The following FRYL variants were observed in gnomAD, a reference collection of about 807,000 sequenced individuals.
FRYL encodes FRY like transcription coactivator, also known as protein furry homolog-like.
FRYL carries 150 observed loss-of-function variants against 351.2 expected under a neutral mutation model. The observed-to-expected ratio is 0.43, with a 90% confidence interval of 0.37 to 0.49. The LOEUF (loss-of-function observed/expected upper bound fraction) is 0.49, where lower values mean the gene tolerates loss of function less well. Among genes scored for constraint, FRYL ranks in the 20% least tolerant of loss-of-function variants. The pLI is 0.00. For synonymous variants in FRYL, 1,153 were observed against 1,257.1 expected, an observed-to-expected ratio of 0.92 and a Z score of 1.75; for missense variants, 3,036 against 3,619.3, an observed-to-expected ratio of 0.84 and a Z score of 4.13.
intron 31 of FRYL, among the ~76,000 whole-genome samples, chr4:48,563,707 A>T (rs900160215): frequency 1.5e-5 from 2 of 136,394 alleles, no homozygotes; most frequent in South Asian, 2.3e-4. Context: ...GACCATGTCT[A>T]AAAAAAAAAA....
intron 1 of FRYL, among the ~76,000 whole-genome samples, chr4:48,714,283 G>T (rs993149442): frequency 6.7e-6 from 1 of 148,944 alleles, no homozygotes; most frequent in Middle Eastern, 3.2e-3. Context: ...GAGCAGAACT[G>T]AAGGAAATAG....
chr4:48,699,550 T>G (rs1766522021), intron 2 of FRYL, among the ~76,000 whole-genome samples: 1 of 152,180 alleles, frequency 6.6e-6, no homozygotes, highest in Non-Finnish European at 1.5e-5. Flanking sequence ...ATCTTTAATC[T>G]AAAATACATG....
chr4:48,658,829 T>C (rs1285291050), intron 3 of FRYL, among the ~76,000 whole-genome samples: 1 of 145,690 alleles, frequency 6.9e-6, no homozygotes, highest in African/African-American at 2.6e-5. Flanking sequence ...GTTATGTAAT[T>C]ACCACCACAC....
chr4:48,626,059 C>A (rs1488777672), intron 4 of FRYL, among the ~76,000 whole-genome samples: 2 of 152,040 alleles, frequency 1.3e-5, no homozygotes, highest in Non-Finnish European at 2.9e-5. Context: ...GTTTCTAGTA[C>A]TTGGTGGTAT....
intron 3 of FRYL, among the ~76,000 whole-genome samples, chr4:48,655,780 G>C (rs1460234740): frequency 7.0e-6 from 1 of 142,754 alleles, no homozygotes; most frequent in Non-Finnish European, 1.5e-5. Flanking sequence ...AATACATTCT[G>C]TATTATATAA....
chr4:48,503,083 T>A (rs1720070041), intron 60 of FRYL, among the ~76,000 whole-genome samples: 1 of 152,208 alleles, frequency 6.6e-6, no homozygotes, highest in East Asian at 1.9e-4. Flanking sequence ...ATTTAGGCTA[T>A]GACTTATTTC....
intron 2 of FRYL, among the ~76,000 whole-genome samples, chr4:48,704,192 G>A (rs12507546): frequency 0.99 from 150,499 of 152,276 alleles, 74,391 homozygotes; most frequent in East Asian, 1. Context: ...CAAGAGATTG[G>A]TATTTCTAAT....
Position 48,742,617 on chromosome 4 carries a change from T to C in FRYL, c.-383-31919A>G, listed in dbSNP as rs139778101. On this transcript the variant is annotated intron_variant, in intron 1 of 63. Transcript: ENST00000358350. The stretch of plus-strand genomic sequence containing the variant: ...CAGGACTGCTATTCATTCTTAGTAT[T>C]AGTCATGCACTAGCACAATCCAATT... Among the ~76,000 whole-genome samples, 147 of 152,254 alleles carry C rather than the reference T, an allele frequency of 9.7e-4. 1 individual carries two copies. The highest frequency in any genetic ancestry group is 3.3e-3 in the African/African-American group (137 of 41,542).
intron 40 of FRYL, 68 bp from the exon 41 acceptor site, chr4:48,547,837 C>T (rs1560580055): frequency 1.9e-6 from 2 of 1,071,438 alleles, no homozygotes; most frequent in African/African-American, 1.6e-5. Flanking sequence ...ACCAAACTCA[C>T]ATTTTGAAGA....
At chr4:48,706,002 A>G (rs962335866) in intron 2 of FRYL, among the ~76,000 whole-genome samples, 7 of 152,114 alleles carry the variant, frequency 4.6e-5, no homozygotes, top group African/African-American at 1.4e-4. Context: ...ACTCCTGGCT[A>G]ATTTTTGTAT....
chr4:48,727,324 A>T (rs1192735940), intron 1 of FRYL: 1 of 152,134 alleles, frequency 6.6e-6, no homozygotes, highest in Admixed American at 6.6e-5. Flanking sequence ...CAACAACAAC[A>T]ACTAATCTTA....
chr4:48,603,514 C>T, intron 11 of FRYL, 126 bp from the exon 12 acceptor site: 1 of 655,772 alleles, frequency 1.5e-6, no homozygotes, highest in Non-Finnish European at 2.7e-6. Flanking sequence ...CACTGAAGTA[C>T]TACAATGTGC....
chr4:48,722,355 C>A (rs1038977973), intron 1 of FRYL, among the ~76,000 whole-genome samples: 4 of 152,166 alleles, frequency 2.6e-5, no homozygotes, highest in Non-Finnish European at 4.4e-5. Context: ...TACTACCATG[C>A]ATTGCTACAT....
At chr4:48,545,892 C>T (rs996622205) in intron 42 of FRYL, among the ~76,000 whole-genome samples, 175 bp downstream of exon 42, 2 of 152,190 alleles carry the variant, frequency 1.3e-5, no homozygotes, top group African/African-American at 2.4e-5. Flanking sequence ...TATAACTGCA[C>T]TGGCACAAAA....
chr4:48,586,529 G>T, intron 19 of FRYL, 92 bp downstream of exon 19: 1 of 790,492 alleles, frequency 1.3e-6, no homozygotes, highest in East Asian at 2.7e-5. Flanking sequence ...CTTTAACATC[G>T]CCTTTTTAGT....
At chr4:48,766,043 G>T (rs1774906237) in intron 1 of FRYL, among the ~76,000 whole-genome samples, 1 of 152,096 alleles carries the variant, frequency 6.6e-6, no homozygotes, top group Non-Finnish European at 1.5e-5. Context: ...AATGTAAATT[G>T]GTACAGTCAT....
At chr4:48,589,186 A>G (rs1042654182) in intron 18 of FRYL, among the ~76,000 whole-genome samples, 3 of 152,214 alleles carry the variant, frequency 2.0e-5, no homozygotes, top group African/African-American at 7.2e-5. Context: ...AGCTATTGCC[A>G]TAACATACAG....
At chr4:48,501,316 GAGT>G (rs1241848797) in intron 62 of FRYL, among the ~76,000 whole-genome samples, 1 of 151,976 alleles carries the variant, frequency 6.6e-6, no homozygotes, top group Non-Finnish European at 1.5e-5. Context: ...TCAGACTCTC[GAGT>G]AACTAGGACT....
intron 1 of FRYL, among the ~76,000 whole-genome samples, chr4:48,760,333 T>G (rs1343375448): frequency 6.6e-6 from 1 of 152,184 alleles, no homozygotes; most frequent in Non-Finnish European, 1.5e-5. Context: ...CTAATTGTTC[T>G]TTGCTGTTAT....
Sources: gnomAD v4.1 joint callset for allele counts (sites outside exome capture counted in the v4.1 genomes callset) on GRCh38, gnomAD v4.1.1 for gene constraint, MANE v1.5 for transcripts, NCBI Gene and HGNC (gene_info 2026-07-23, HGNC 2026-07-21) for gene names.